The following VAV2 variants were observed in gnomAD, a reference collection of about 807,000 sequenced individuals.
VAV2 encodes guanine nucleotide exchange factor VAV2.
Under a neutral mutation model 132.5 loss-of-function variants are expected in VAV2, and 67 were observed. That is an observed-to-expected ratio of 0.51 (90% confidence interval 0.42 to 0.62). The LOEUF is 0.62. Among genes scored for constraint, VAV2 ranks in the 20% least tolerant of loss-of-function variants. The pLI is 0.00. For missense variants in VAV2, 938 were observed against 1,153.6 expected, an observed-to-expected ratio of 0.81 and a Z score of 2.71; for synonymous variants, 492 against 443.5, an observed-to-expected ratio of 1.11 and a Z score of -1.37.
In VAV2 at chr9:133,769,846, G is replaced by A. The variant is rs72762807; in HGVS notation, c.2348-343C>T. ...CCAGCTCGGCCTGTGTGAGACCCAT[G>A]GCCCTGCAGGACCCTGCAGGCTGGA... On this transcript the variant is annotated intron_variant, in intron 27 of 29. Transcript: ENST00000371850. This position sits in a 1 kb window ranked among gnomAD's most constrained non-coding sequence, Gnocchi z 8.1. Among the ~76,000 whole-genome samples, 1,413 of 152,348 alleles carry A rather than the reference G, an allele frequency of 9.3e-3. 6 individuals carry two copies. The highest frequency in any genetic ancestry group is 0.015 in the Non-Finnish European group (1,036 of 68,020).
chr9:133,932,835 T>C (rs1348867357), intron 2 of VAV2, among the ~76,000 whole-genome samples: 1 of 152,190 alleles, frequency 6.6e-6, no homozygotes, highest in African/African-American at 2.4e-5. Context: ...CTCCAAAACC[T>C]GGAGGGTTTC....
chr9:133,957,930 T>C (rs1841840536), intron 1 of VAV2, among the ~76,000 whole-genome samples: 1 of 150,082 alleles, frequency 6.7e-6, no homozygotes, highest in Non-Finnish European at 1.5e-5. Flanking sequence ...CTGAAACATG[T>C]GCTGTGTCAA....
chr9:133,776,349 C>A (rs1833810658), intron 23 of VAV2, among the ~76,000 whole-genome samples: 1 of 152,034 alleles, frequency 6.6e-6, no homozygotes, highest in Non-Finnish European at 1.5e-5. Context: ...CCTGGGACAG[C>A]AAGGACCGAA....
chr9:133,932,033 A>G (rs1291876704), intron 2 of VAV2, among the ~76,000 whole-genome samples: 1 of 152,188 alleles, frequency 6.6e-6, no homozygotes, highest in Non-Finnish European at 1.5e-5. Context: ...CAGAGTCCCT[A>G]CGGTCGGAAC....
At chr9:133,945,411 A>G (rs764544881) in intron 1 of VAV2, among the ~76,000 whole-genome samples, 7 of 152,198 alleles carry the variant, frequency 4.6e-5, no homozygotes, top group African/African-American at 1.2e-4. Flanking sequence ...TGATCGGCAC[A>G]TAATAACTAA....
rs146757071 is a variant in VAV2 at position 133,969,955 on chromosome 9, G to A, written c.204+22120C>T. On this transcript the variant is annotated intron_variant, in intron 1 of 29. Coordinates refer to ENST00000371850, the MANE Select transcript of VAV2 (RefSeq NM_001134398.2). This position sits in a 1 kb window ranked among gnomAD's most constrained non-coding sequence, Gnocchi z 5.1. ...TCCCTGGCACACCCAGGATGAAGCC[G>A]GCCCTGCCTCCCTGCAGCCTTCAAG... 7.4e-4 allele frequency among the ~76,000 whole-genome samples: 112 copies of A among 152,148 alleles called. No homozygotes were observed. Among genetic ancestry groups the A allele is most frequent in the South Asian group, 3.1e-3 (15 of 4,814 alleles).
chr9:133,878,441 G>A (rs1366568473), intron 2 of VAV2, among the ~76,000 whole-genome samples: 2 of 152,238 alleles, frequency 1.3e-5, no homozygotes, highest in Non-Finnish European at 2.9e-5. Flanking sequence ...GGCCCATGGT[G>A]AGTGAGGCAG....
chr9:133,949,285 G>A (rs955495430), intron 1 of VAV2, among the ~76,000 whole-genome samples: 1 of 152,110 alleles, frequency 6.6e-6, no homozygotes, highest in African/African-American at 2.4e-5. Flanking sequence ...CCCCGAGGAC[G>A]CCCTGACCCA....
intron 2 of VAV2, among the ~76,000 whole-genome samples, chr9:133,876,537 C>G (rs975837718): frequency 2.0e-5 from 3 of 152,248 alleles, no homozygotes; most frequent in Non-Finnish European, 2.9e-5. Context: ...CACAGGGGAC[C>G]AAAGAGCGGA....
At chr9:133,915,325 C>T (rs183227066) in intron 2 of VAV2, among the ~76,000 whole-genome samples, 30 of 152,320 alleles carry the variant, frequency 2.0e-4, no homozygotes, top group African/African-American at 7.0e-4. Flanking sequence ...TCCCGGCAGC[C>T]ACCATCCACA....
intron 1 of VAV2, among the ~76,000 whole-genome samples, chr9:133,943,272 T>A (rs1841237660): frequency 6.6e-6 from 1 of 152,160 alleles, no homozygotes; most frequent in Non-Finnish European, 1.5e-5. Flanking sequence ...CCCTGACGGT[T>A]GGCAGGGACC....
At chr9:133,900,053 G>A (rs910948431) in intron 2 of VAV2, among the ~76,000 whole-genome samples, 1 of 149,394 alleles carries the variant, frequency 6.7e-6, no homozygotes, top group Non-Finnish European at 1.5e-5. Context: ...AATAAAAATA[G>A]CTGGGCATAG....
At chr9:133,984,484 A>G (rs1174239120) in intron 1 of VAV2, among the ~76,000 whole-genome samples, 1 of 152,156 alleles carries the variant, frequency 6.6e-6, no homozygotes, top group Non-Finnish European at 1.5e-5. Context: ...GCGGTGGCAC[A>G]CACCTGTAGT....
chr9:133,967,461 C>A, intron 1 of VAV2, among the ~76,000 whole-genome samples: 1 of 152,212 alleles, frequency 6.6e-6, no homozygotes, highest in East Asian at 1.9e-4. Context: ...CCCACCTTTA[C>A]CGTAGCACTA....
At chr9:133,886,585 T>A (rs796616875) in intron 2 of VAV2, among the ~76,000 whole-genome samples, 4 of 152,250 alleles carry the variant, frequency 2.6e-5, no homozygotes, top group African/African-American at 9.6e-5. Context: ...CGCCTGTGTC[T>A]GGGGGGTGCA....
At chr9:133,789,220 C>T (rs746810051) in intron 14 of VAV2, 38 bp downstream of exon 14, 36 of 1,608,266 alleles carry the variant, frequency 2.2e-5, no homozygotes, top group South Asian at 2.1e-4. Context: ...CAGACCCTGG[C>T]GGGACGCCAC....
intron 1 of VAV2, among the ~76,000 whole-genome samples, chr9:133,977,573 T>C (rs890824293): frequency 1.3e-5 from 2 of 152,030 alleles, no homozygotes; most frequent in Non-Finnish European, 1.5e-5. Context: ...CAGCTGTCAC[T>C]TACCCAGGCA....
chr9:133,963,430 G>A (rs539130291), intron 1 of VAV2, among the ~76,000 whole-genome samples: 6 of 152,308 alleles, frequency 3.9e-5, no homozygotes, highest in East Asian at 1.9e-4. Flanking sequence ...AAGCTGGCTC[G>A]CTAAGGGTGT....
At chr9:133,785,986 A>G (rs777303538) in intron 16 of VAV2, 101 bp from the exon 17 acceptor site, 3 of 1,029,806 alleles carry the variant, frequency 2.9e-6, no homozygotes, top group Non-Finnish European at 4.4e-6. Flanking sequence ...GCACGTGTGT[A>G]TATGCATATG....
Sources: gnomAD v4.1 joint callset for allele counts (sites outside exome capture counted in the v4.1 genomes callset) on GRCh38, gnomAD v4.1.1 for gene constraint, Gnocchi (gnomAD v3.1) non-coding constraint, MANE v1.5 for transcripts, NCBI Gene and HGNC (gene_info 2026-07-23, HGNC 2026-07-21) for gene names.